NOP9: variants seen among roughly 807,000 people sequenced by gnomAD.
The protein encoded by NOP9 is NOP9 nucleolar protein.
A neutral mutation model predicts 63.0 loss-of-function variants in NOP9; 50 were observed. That is an observed-to-expected ratio of 0.79 (90% CI 0.63 to 1.00). The LOEUF is 1.00. NOP9 is among the 50% of genes least tolerant of loss of function. The probability of loss-of-function intolerance (pLI) is 0.00; values close to 1 mark genes in which losing one functional copy is unlikely to be tolerated. For synonymous variants in NOP9, 343 were observed against 332.8 expected (o/e 1.03, Z -0.33); for missense variants, 758 against 803.0 (o/e 0.94, Z 0.68).
the NOP9 span, among the ~76,000 whole-genome samples, chr14:24,294,819 A>G: frequency 2.0e-5 from 3 of 152,220 alleles, no homozygotes; most frequent in Non-Finnish European, 4.4e-5. Context: ...TAGTGGAAGA[A>G]GTATGAATTA....
chr14:24,296,620 T>G, upstream of NOP9: 1 of 1,613,632 alleles, frequency 6.2e-7, no homozygotes, highest in Non-Finnish European at 8.5e-7. Context: ...ATGAATGATC[T>G]GAAGGTAGGG....
the NOP9 span, among the ~76,000 whole-genome samples, chr14:24,282,753 T>C: frequency 6.6e-6 from 1 of 152,164 alleles, no homozygotes; most frequent in Non-Finnish European, 1.5e-5. Flanking sequence ...TCCTCCATTC[T>C]CAAGGGTCTA....
Position 24,306,676 on chromosome 14 carries a change from G to A in NOP9, c.*1581G>A, listed in dbSNP as rs1413819194. On this transcript the variant is annotated 3_prime_UTR_variant, in exon 10 of 10. Transcript: ENST00000267425. ...TACCTCCTAAAGGTTGCAGCTCTCC[G>A]TGTTCTTCAGTTTTTGGGGGATCCT... The A allele has an allele frequency of 4.8e-5, 42 of 876,784 alleles. No individual in the cohort carries two copies. The highest frequency in any genetic ancestry group is 1.5e-4 in the South Asian group (9 of 59,612). 54.3% of individuals were successfully genotyped at this position (876,784 alleles called of 1,614,324 possible).
At position 24,307,201 on chromosome 14, in the gene NOP9, A is replaced by C. The variant is rs2041538154; in HGVS notation, c.*2106A>C. On this transcript the variant is annotated 3_prime_UTR_variant, in exon 10 of 10. Coordinates refer to ENST00000267425, the MANE Select transcript of NOP9 (RefSeq NM_174913.3). Reference sequence around the variant, plus strand: ...TCCCATAGAAAAGCTCACTCGGTGGAAAATGAACAAATTGACCAGAGCTCA... The same window carrying C: ...TCCCATAGAAAAGCTCACTCGGTGGCAAATGAACAAATTGACCAGAGCTCA... 2 of 660,568 alleles carry C rather than the reference A, an allele frequency of 3.0e-6. No individual in the cohort carries two copies. The highest frequency in any genetic ancestry group is 5.0e-6 in the Non-Finnish European group (2 of 398,836). The allele number at this position is 660,568 out of a possible 1,614,324, so 40.9% of individuals were successfully genotyped here.
chr14:24,302,726 G>A (rs2041399697), intron 5 of NOP9, among the ~76,000 whole-genome samples: 1 of 152,210 alleles, frequency 6.6e-6, no homozygotes, highest in Non-Finnish European at 1.5e-5. Context: ...TGCTAGAGCT[G>A]TTGCCATAGC....
At chr14:24,286,602 A>T in the NOP9 span, among the ~76,000 whole-genome samples, 1 of 150,174 alleles carries the variant, frequency 6.7e-6, no homozygotes, top group Non-Finnish European at 1.5e-5. Flanking sequence ...TTATTTATTT[A>T]TTTTTTTCGA....
chr14:24,300,462 C>T lies in NOP9; in HGVS notation c.302C>T (p.Ser101Phe). The change falls in exon 2 of 10, where the codon TCC (serine) becomes TTC (phenylalanine). Residue 101 changes from serine (S) to phenylalanine (F), a missense_variant. Physicochemically the swap from Ser to Phe is radical, Grantham distance 155 (BLOSUM62 -2). Coordinates refer to ENST00000267425, the MANE Select transcript of NOP9 (RefSeq NM_174913.3). ...GTAGAGACTCAGGCCCTAGCTTTGT[C>T]CACGAACAGGACTGGCAGTGAGATG... ...KEVETQALAL[S>F]TNRTGSEMLQ... 6.2e-7 allele frequency: 1 copy of T among 1,614,180 alleles called. No individual in the cohort carries two copies. The highest frequency in any genetic ancestry group is 8.5e-7 in the Non-Finnish European group (1 of 1,180,004).
intron 6 of NOP9, 70 bp from the exon 7 acceptor site, chr14:24,303,662 G>T (rs1249365635): frequency 1.6e-5 from 24 of 1,521,640 alleles, no homozygotes; most frequent in Non-Finnish European, 2.1e-5. Context: ...TTTCCTGAAG[G>T]TGTTCCCTTA....
intron 9 of NOP9, among the ~76,000 whole-genome samples, 170 bp downstream of exon 9, chr14:24,304,768 T>G (rs2041448816): frequency 6.6e-6 from 1 of 152,216 alleles, no homozygotes; most frequent in African/African-American, 2.4e-5. Context: ...TGACTGATTG[T>G]GTAGTCCTCT....
the NOP9 span, among the ~76,000 whole-genome samples, chr14:24,274,612 CTT>C: frequency 1.1e-4 from 16 of 141,156 alleles, no homozygotes; most frequent in African/African-American, 7.8e-5. Context: ...GAGCCACAAT[CTT>C]TTTTTTTTTT....
In NOP9 at chr14:24,300,186, A is replaced by G; in HGVS notation, c.232A>G (p.Thr78Ala). 6.2e-7 allele frequency: 1 copy of G among 1,613,930 alleles called. No homozygotes were observed. The highest frequency in any genetic ancestry group is 8.5e-7 in the Non-Finnish European group (1 of 1,179,898). The stretch of plus-strand genomic sequence containing the variant: ...GTCAGCATTGAAAGAGGCTCCCGAG[A>G]CTGGGGAAGAACGAGGTAGGCAGCA... ...ALSALKEAPE[T>A]GEERDLMVHN... Residue 78 changes from threonine (T) to alanine (A), a missense_variant, in exon 1 of 10, where the codon ACT becomes GCT. By Grantham distance (58) the Thr-to-Ala change is moderately conservative. Transcript: ENST00000267425.
At chr14:24,279,988 GA>G in the NOP9 span, among the ~76,000 whole-genome samples, 1 of 152,176 alleles carries the variant, frequency 6.6e-6, no homozygotes, top group Non-Finnish European at 1.5e-5. Flanking sequence ...TCCTCTAGGG[GA>G]GGAAAGAGGA....
At chr14:24,283,477 A>G in the NOP9 span, among the ~76,000 whole-genome samples, 3 of 152,184 alleles carry the variant, frequency 2.0e-5, no homozygotes, top group East Asian at 3.9e-4. Context: ...GTACATTCCT[A>G]TAGTCCCAGC....
At chr14:24,282,026 C>T in the NOP9 span, among the ~76,000 whole-genome samples, 2 of 152,116 alleles carry the variant, frequency 1.3e-5, no homozygotes, top group Non-Finnish European at 2.9e-5. Context: ...TGGGAAACCC[C>T]GTCTCTACTA....
chr14:24,272,460 TTAAA>T, the NOP9 span, among the ~76,000 whole-genome samples: 1 of 152,260 alleles, frequency 6.6e-6, no homozygotes, highest in Admixed American at 6.5e-5. Flanking sequence ...TTAAACTCGC[TTAAA>T]TACTCTTTCT....
chr14:24,285,025 C>T, the NOP9 span, among the ~76,000 whole-genome samples: 1 of 152,164 alleles, frequency 6.6e-6, no homozygotes. Flanking sequence ...GTCACTGATA[C>T]CTCGGTCCAG....
At chr14:24,279,393 T>C in the NOP9 span, among the ~76,000 whole-genome samples, 1 of 152,166 alleles carries the variant, frequency 6.6e-6, no homozygotes, top group Admixed American at 6.5e-5. Context: ...TGATGGCCCA[T>C]GGGGGTTGCC....
chr14:24,287,025 G>T, the NOP9 span, among the ~76,000 whole-genome samples: 10 of 152,042 alleles, frequency 6.6e-5, no homozygotes, highest in Non-Finnish European at 1.2e-4. Flanking sequence ...GAGAAGCTGG[G>T]ATTACAGGTG....
In NOP9 at chr14:24,302,415, C is replaced by A; in HGVS notation, c.1134C>A (p.Thr378=). ...AGCGCTTACTGGATGCAGTCACTACCCCTGAGCTGGTGAGTTGGAAACCTG... is the reference window on the plus strand; with the variant it reads ...AGCGCTTACTGGATGCAGTCACTACACCTGAGCTGGTGAGTTGGAAACCTG... The part of the protein sequence containing the change: ...PLQRLLDAVT[T]PELLSPVFEE... The change falls in exon 5 of 10, where the codon ACC becomes ACA. Residue 378 remains threonine (T), a synonymous_variant. Coordinates refer to ENST00000267425, the MANE Select transcript of NOP9 (RefSeq NM_174913.3). The A allele has an allele frequency of 6.2e-7, 1 of 1,607,406 alleles. No individual in the cohort carries two copies. Among genetic ancestry groups the A allele is most frequent in the Non-Finnish European group, 8.5e-7 (1 of 1,175,016 alleles).
Sources: allele counts gnomAD v4.1 joint callset (sites outside exome capture counted in the v4.1 genomes callset), GRCh38; gene constraint gnomAD v4.1.1; transcripts MANE v1.5; gene names NCBI Gene and HGNC (gene_info 2026-07-23, HGNC 2026-07-21).